The following GNAO1 variants were observed in gnomAD, a reference collection of about 807,000 sequenced individuals.
GNAO1 encodes the protein guanine nucleotide-binding protein G(o) subunit alpha.
For synonymous variants in GNAO1, 164 were observed against 180.7 expected (o/e 0.91, Z 0.74); for missense variants, 166 against 478.7 (o/e 0.35, Z 6.10).
intron 3 of GNAO1, among the ~76,000 whole-genome samples, chr16:56,316,437 A>C (rs140929088): frequency 1.4e-4 from 21 of 152,284 alleles, no homozygotes; most frequent in East Asian, 1.2e-3. Flanking sequence ...CTGTGTGCCC[A>C]CAGGTGGCTG....
intron 2 of GNAO1, among the ~76,000 whole-genome samples, chr16:56,257,577 T>G (rs1279016633): frequency 3.9e-5 from 6 of 152,128 alleles, no homozygotes; most frequent in African/African-American, 1.2e-4. Context: ...CCAGTGAGGC[T>G]TCATAAAAAG....
intron 2 of GNAO1, among the ~76,000 whole-genome samples, chr16:56,269,799 G>C (rs1282138388): frequency 6.6e-6 from 1 of 152,166 alleles, no homozygotes; most frequent in Non-Finnish European, 1.5e-5. Flanking sequence ...CCAGAAGTTG[G>C]GGGGGAAACT....
rs754556054 is a variant in GNAO1 at position 56,326,583 on chromosome 16, A to C, written c.304-2048A>C. ...AAGGGGAGCTCATGGGTGGCCTGCCACGTTGGCTGCTGGGGCTCCATCCCA... is the reference window on the plus strand; with the variant it reads ...AAGGGGAGCTCATGGGTGGCCTGCCCCGTTGGCTGCTGGGGCTCCATCCCA... On this transcript the variant is annotated intron_variant, in intron 3 of 8. Coordinates refer to ENST00000262493, the MANE Select transcript of GNAO1 (RefSeq NM_020988.3). The surrounding 1 kb of genome is among the most constrained non-coding windows in gnomAD (Gnocchi z 4.8). Among the ~76,000 whole-genome samples the C allele has an allele frequency of 4.6e-5, 7 of 152,250 alleles. No individual in the cohort carries two copies. Among genetic ancestry groups the C allele is most frequent in the Non-Finnish European group, 8.8e-5 (6 of 68,046 alleles).
chr16:56,250,672 T>A (rs543918701), intron 2 of GNAO1, among the ~76,000 whole-genome samples: 93 of 152,286 alleles, frequency 6.1e-4, no homozygotes, highest in African/African-American at 2.2e-3. Flanking sequence ...AAAGTCTGGC[T>A]CCTGGGGCTG....
chr16:56,204,852 TC>T (rs1381946283), intron 2 of GNAO1, among the ~76,000 whole-genome samples: 1 of 152,128 alleles, frequency 6.6e-6, no homozygotes, highest in Non-Finnish European at 1.5e-5. Flanking sequence ...TTCCTTAACT[TC>T]CTTAGGACTT....
intron 6 of GNAO1, chr16:56,344,572 A>G: frequency 4.1e-6 from 4 of 985,966 alleles, no homozygotes; most frequent in Non-Finnish European, 4.8e-6. Context: ...GAGAACTCCC[A>G]TCCCTGACTC....
chr16:56,292,108 C>T (rs565430533), intron 3 of GNAO1, among the ~76,000 whole-genome samples: 31 of 152,324 alleles, frequency 2.0e-4, no homozygotes, highest in Middle Eastern at 3.4e-3. Flanking sequence ...TCCCCATCAG[C>T]GTTCCCCAGC....
chr16:56,228,662 G>A (rs1210281479), intron 2 of GNAO1, among the ~76,000 whole-genome samples: 1 of 152,168 alleles, frequency 6.6e-6, no homozygotes, highest in Non-Finnish European at 1.5e-5. Flanking sequence ...CAGGGCAATG[G>A]GAAGAGCTTC....
intron 3 of GNAO1, among the ~76,000 whole-genome samples, chr16:56,281,278 AGT>A (rs1429721668): frequency 1.3e-5 from 2 of 152,070 alleles, no homozygotes; most frequent in Non-Finnish European, 1.5e-5. Context: ...CTTCATCCTA[AGT>A]CTCTCTAAGA....
chr16:56,195,700 G>A (rs2036226201), intron 2 of GNAO1, among the ~76,000 whole-genome samples: 1 of 152,222 alleles, frequency 6.6e-6, no homozygotes, highest in Non-Finnish European at 1.5e-5. Flanking sequence ...TGATAACCCA[G>A]TGATTTCCTA....
intron 2 of GNAO1, among the ~76,000 whole-genome samples, chr16:56,223,440 T>C (rs114195593): frequency 6.6e-6 from 1 of 152,374 alleles, no homozygotes; most frequent in African/African-American, 2.4e-5. Flanking sequence ...TTCTCTGCTT[T>C]TAAGGACTCA....
At position 56,192,117 on chromosome 16, in the gene GNAO1, G is replaced by C. The variant is rs1200751648; in HGVS notation, c.-119G>C. The C allele has an allele frequency of 4.7e-6, 3 of 632,804 alleles. No individual in the cohort carries two copies. In the African/African-American group the frequency reaches 5.5e-5, roughly 12 times the overall value. The allele number at this position is 632,804 out of a possible 1,614,324, so 39.2% of individuals were successfully genotyped here. ...ACATTTTTGTTTCCAGCCCAGGAGAGGATATCGTGATTTTCCCCCCTTGAG... is the reference window on the plus strand; with the variant it reads ...ACATTTTTGTTTCCAGCCCAGGAGACGATATCGTGATTTTCCCCCCTTGAG... On this transcript the variant is annotated 5_prime_UTR_variant, in exon 1 of 9. Coordinates refer to ENST00000262493, the MANE Select transcript of GNAO1 (RefSeq NM_020988.3).
At chr16:56,298,933 G>T (rs1020228509) in intron 3 of GNAO1, among the ~76,000 whole-genome samples, 5 of 151,670 alleles carry the variant, frequency 3.3e-5, no homozygotes, top group African/African-American at 9.7e-5. Context: ...AAAAAAAAGG[G>T]TTAATTAAAT....
intron 2 of GNAO1, chr16:56,235,318 T>G (rs1339842635): frequency 2.2e-6 from 1 of 456,004 alleles, no homozygotes; most frequent in African/African-American, 2.0e-5. Flanking sequence ...GACAGAAGCT[T>G]AGACAGAGCA....
Position 56,336,826 on chromosome 16 carries a change from G to A in GNAO1, c.689G>A (p.Gly230Asp), listed in dbSNP as rs759775512. 6.2e-7 allele frequency: 1 copy of A among 1,613,218 alleles called. No individual in the cohort carries two copies. Among genetic ancestry groups the A allele is most frequent in the African/African-American group, 1.3e-5 (1 of 75,066 alleles). Reference sequence around the variant, plus strand: ...ATCATTTTCTGTGTCGCGCTCAGCGGCTATGACCAGGTGCTCCACGAAGAC... The same window carrying A: ...ATCATTTTCTGTGTCGCGCTCAGCGACTATGACCAGGTGCTCCACGAAGAC... ...TAIIFCVALS[G>D]YDQVLHEDET... The change falls in exon 6 of 9, where the codon GGC becomes GAC. Residue 230 changes from glycine to aspartate, a missense_variant. Physicochemically the swap from Gly to Asp is moderately conservative, Grantham distance 94. Coordinates refer to ENST00000262493, the MANE Select transcript of GNAO1 (RefSeq NM_020988.3).
In GNAO1 at chr16:56,319,844, C is replaced by A. The variant is rs1333967473; in HGVS notation, c.304-8787C>A. ...GTCCCCTGGGCCCTGTCTCCACAGGCCTCTTCCTCTCCTTGCCCACCCCTT... is the reference window on the plus strand; with the variant it reads ...GTCCCCTGGGCCCTGTCTCCACAGGACTCTTCCTCTCCTTGCCCACCCCTT... On this transcript the variant is annotated intron_variant, in intron 3 of 8. Coordinates refer to ENST00000262493, the MANE Select transcript of GNAO1 (RefSeq NM_020988.3). 2.0e-5 allele frequency among the ~76,000 whole-genome samples: 3 copies of A among 152,082 alleles called. No homozygotes were observed. The East Asian group carries it at 5.8e-4, about 29-fold the overall frequency.
Position 56,351,682 on chromosome 16 carries a change from AC to A in GNAO1, c.877+146del. ...GAGACTGGTGGGGCGCAAAAGAAAA[AC>A]AGTGCTGTGCCACCAGGTTTGGGCT... On this transcript the variant is annotated intron_variant, in intron 7 of 8. Transcript: ENST00000262493. This position sits in a 1 kb window ranked among gnomAD's most constrained non-coding sequence, Gnocchi z 6.1. 1.5e-6 allele frequency: 1 copy of A among 648,802 alleles called. No individual in the cohort carries two copies. The highest frequency in any genetic ancestry group is 3.1e-4 in the Middle Eastern group (1 of 3,184). The allele number at this position is 648,802 out of a possible 1,614,324, so 40.2% of individuals were successfully genotyped here.
chr16:56,212,615 T>C (rs2036400090), intron 2 of GNAO1, among the ~76,000 whole-genome samples: 1 of 152,254 alleles, frequency 6.6e-6, no homozygotes, highest in Non-Finnish European at 1.5e-5. Flanking sequence ...GGAACTCTTC[T>C]AGAAGTAGAG....
At chr16:56,304,750 C>T (rs551757503) in intron 3 of GNAO1, among the ~76,000 whole-genome samples, 44 of 152,242 alleles carry the variant, frequency 2.9e-4, no homozygotes, top group Non-Finnish European at 1.0e-4. Flanking sequence ...GAAGACAGCC[C>T]TGTATCATCC....
Sources: allele counts gnomAD v4.1 joint callset (sites outside exome capture counted in the v4.1 genomes callset), GRCh38; gene constraint gnomAD v4.1.1; non-coding constraint Gnocchi (gnomAD v3.1); transcripts MANE v1.5; gene names NCBI Gene and HGNC (gene_info 2026-07-23, HGNC 2026-07-21).